The following UBE3D variants were observed in gnomAD, a reference collection of about 807,000 sequenced individuals.
UBE3D encodes ubiquitin protein ligase E3D, also known as E3 ubiquitin-protein ligase E3D.
A neutral mutation model predicts 49.6 loss-of-function variants in UBE3D; 48 were observed. The observed-to-expected ratio is 0.97, with a 90% CI of 0.77 to 1.23. UBE3D has a LOEUF of 1.23. Ranked by LOEUF, UBE3D falls within the 50% of genes most tolerant of loss-of-function variation. The pLI is 0.00. For missense variants in UBE3D, 452 were observed against 468.4 expected, an observed-to-expected ratio of 0.96 and a Z score of 0.32; for synonymous variants, 189 against 174.2, an observed-to-expected ratio of 1.08 and a Z score of -0.67.
At chr6:82,954,278 A>G (rs1412873336) in intron 9 of UBE3D, among the ~76,000 whole-genome samples, 2 of 152,226 alleles carry the variant, frequency 1.3e-5, no homozygotes, top group Admixed American at 1.3e-4. Context: ...GTGAATCTCA[A>G]TCAAATCCTA....
intron 8 of UBE3D, among the ~76,000 whole-genome samples, chr6:82,984,770 G>A (rs1303149130): frequency 6.6e-6 from 1 of 151,802 alleles, no homozygotes; most frequent in African/African-American, 2.4e-5. Flanking sequence ...TATAAGCTGG[G>A]GATATTAGCC....
intron 5 of UBE3D, among the ~76,000 whole-genome samples, chr6:83,030,228 T>G (rs541250299): frequency 6.6e-6 from 1 of 152,278 alleles, no homozygotes; most frequent in South Asian, 2.1e-4. Context: ...AAGACGTTTC[T>G]GATATGGTTT....
At chr6:82,932,670 G>GT (rs923653682) in intron 9 of UBE3D, 1 of 152,086 alleles carries the variant, frequency 6.6e-6, no homozygotes, top group African/African-American at 2.4e-5. Flanking sequence ...ACTTACTTAT[G>GT]TTTTTTCCCT....
At chr6:82,985,816 TC>T (rs1453248213) in intron 8 of UBE3D, among the ~76,000 whole-genome samples, 1 of 152,186 alleles carries the variant, frequency 6.6e-6, no homozygotes, top group African/African-American at 2.4e-5. Flanking sequence ...AGGCCACCTT[TC>T]CTATGTATTA....
intron 9 of UBE3D, among the ~76,000 whole-genome samples, chr6:82,944,824 C>T (rs1775285883): frequency 6.6e-6 from 1 of 152,116 alleles, no homozygotes; most frequent in Non-Finnish European, 1.5e-5. Flanking sequence ...GGTAGCTTGG[C>T]AGTACTCCCT....
intron 9 of UBE3D, among the ~76,000 whole-genome samples, chr6:82,934,162 C>T (rs1035362842): frequency 2.0e-5 from 3 of 152,192 alleles, no homozygotes; most frequent in Admixed American, 6.5e-5. Context: ...CTCCTTCACA[C>T]ACTCTCTCTC....
chr6:83,057,729 C>T (rs1479659571), intron 2 of UBE3D, 97 bp downstream of exon 2: 1 of 1,231,730 alleles, frequency 8.1e-7, no homozygotes, highest in Non-Finnish European at 1.2e-6. Context: ...CTTCTCAACC[C>T]CTTCACCTGG....
intron 8 of UBE3D, among the ~76,000 whole-genome samples, chr6:83,001,265 T>C (rs1779615762): frequency 6.6e-6 from 1 of 152,328 alleles, no homozygotes; most frequent in Admixed American, 6.5e-5. Flanking sequence ...CATTTACTTA[T>C]TTTTCCTGCT....
intron 3 of UBE3D, among the ~76,000 whole-genome samples, chr6:83,047,408 A>T (rs1374400658): frequency 1.3e-5 from 2 of 152,216 alleles, no homozygotes; most frequent in Non-Finnish European, 2.9e-5. Context: ...AAGAATTGTT[A>T]CAAGAGATAC....
chr6:82,949,786 G>C (rs1054393563), intron 9 of UBE3D, among the ~76,000 whole-genome samples: 13 of 152,100 alleles, frequency 8.5e-5, no homozygotes, highest in African/African-American at 3.1e-4. Flanking sequence ...TTCAATAAAT[G>C]GTTCTGAGAA....
intron 9 of UBE3D, among the ~76,000 whole-genome samples, chr6:82,931,467 G>C (rs1442455452): frequency 6.6e-6 from 1 of 152,244 alleles, no homozygotes; most frequent in African/African-American, 2.4e-5. Context: ...CACCAGCCCA[G>C]GAAAGCAGCC....
At chr6:83,039,730 C>T (rs538099980) in intron 4 of UBE3D, among the ~76,000 whole-genome samples, 3 of 152,204 alleles carry the variant, frequency 2.0e-5, no homozygotes, top group East Asian at 1.9e-4. Context: ...CTGCAACCTC[C>T]GCCTCCCGGG....
intron 9 of UBE3D, among the ~76,000 whole-genome samples, chr6:82,915,981 C>G (rs1354400892): frequency 6.6e-6 from 1 of 152,110 alleles, no homozygotes; most frequent in Non-Finnish European, 1.5e-5. Context: ...AGAGCCTGGT[C>G]TCTAATAGTC....
At chr6:82,983,504 C>T (rs1300960652) in intron 8 of UBE3D, among the ~76,000 whole-genome samples, 2 of 151,860 alleles carry the variant, frequency 1.3e-5, no homozygotes, top group Non-Finnish European at 2.9e-5. Flanking sequence ...CTGGGTTAGT[C>T]AATACTTTTA....
intron 5 of UBE3D, 145 bp downstream of exon 5, chr6:83,038,271 T>G (rs1582712779): frequency 1.6e-6 from 1 of 623,998 alleles, no homozygotes. Flanking sequence ...TATTGGATGG[T>G]ATGTTACTTG....
chr6:83,022,390 A>C, intron 7 of UBE3D, 63 bp downstream of exon 7: 1 of 1,087,418 alleles, frequency 9.2e-7, no homozygotes, highest in Non-Finnish European at 1.3e-6. Context: ...GGATGAAAAA[A>C]CTGAAGAATT....
chr6:83,014,566 C>T (rs1386822474), intron 8 of UBE3D, among the ~76,000 whole-genome samples: 1 of 152,146 alleles, frequency 6.6e-6, no homozygotes, highest in Non-Finnish European at 1.5e-5. Flanking sequence ...TCCATAAACC[C>T]CTATTTTAAC....
intron 3 of UBE3D, among the ~76,000 whole-genome samples, chr6:83,052,714 G>A (rs774317011): frequency 3.7e-4 from 57 of 152,252 alleles, no homozygotes; most frequent in Admixed American, 5.9e-4. Flanking sequence ...GAGGTAAATA[G>A]AGGTAAACTC....
downstream of UBE3D, among the ~76,000 whole-genome samples, chr6:82,888,237 AT>A (rs1212968534): frequency 6.6e-6 from 1 of 151,446 alleles, no homozygotes; most frequent in Admixed American, 6.6e-5. Flanking sequence ...CAGAACCTCC[AT>A]ATAGGCAATC....
Sources: gnomAD v4.1 joint callset for allele counts (sites outside exome capture counted in the v4.1 genomes callset) on GRCh38, gnomAD v4.1.1 for gene constraint, MANE v1.5 for transcripts, NCBI Gene and HGNC (gene_info 2026-07-23, HGNC 2026-07-21) for gene names.